NTN1: variants seen among roughly 807,000 people sequenced by gnomAD.
NTN1 encodes the protein netrin 1, also known as netrin-1.
NTN1 carries 11 observed loss-of-function variants against 54.2 expected under a neutral mutation model. The observed-to-expected ratio is 0.20, with a 90% confidence interval of 0.13 to 0.34. The LOEUF (loss-of-function observed/expected upper bound fraction) is 0.34, where lower values mean the gene tolerates loss of function less well. Ranked by LOEUF, NTN1 falls within the 10% of genes least tolerant of loss-of-function variation. The pLI is 1.00. For synonymous variants in NTN1, 371 were observed against 382.0 expected, an observed-to-expected ratio of 0.97 and a Z score of 0.33; for missense variants, 740 against 893.1, an observed-to-expected ratio of 0.83 and a Z score of 2.18.
chr17:9,030,152 C>T (rs2091884556), intron 2 of NTN1, among the ~76,000 whole-genome samples: 1 of 152,154 alleles, frequency 6.6e-6, no homozygotes, highest in Non-Finnish European at 1.5e-5. Flanking sequence ...TACAGAATGT[C>T]TCCCATCAGA....
At chr17:9,069,701 C>T (rs939980609) in intron 2 of NTN1, among the ~76,000 whole-genome samples, 1 of 152,138 alleles carries the variant, frequency 6.6e-6, no homozygotes, top group South Asian at 2.1e-4. Context: ...GGTGGGAGCA[C>T]CTCAAAGTAA....
Position 9,212,259 on chromosome 17 carries a change from G to A in NTN1, c.1412-8909G>A, listed in dbSNP as rs1018983017. ...AGAAGGTGGTCTTACCTGGGGCAGG[G>A]TGGGGCAAGTCACGAAGTCACCTGC... On this transcript the variant is annotated intron_variant, in intron 5 of 6. Coordinates refer to ENST00000173229, the MANE Select transcript of NTN1 (RefSeq NM_004822.3). This position sits in a 1 kb window ranked among gnomAD's most constrained non-coding sequence, Gnocchi z 5.5. Among the ~76,000 whole-genome samples, 3 of 152,160 alleles carry A rather than the reference G, an allele frequency of 2.0e-5. No homozygotes were observed. The highest frequency in any genetic ancestry group is 7.2e-5 in the African/African-American group (3 of 41,438).
chr17:9,070,986 G>A (rs1040419850), intron 2 of NTN1, among the ~76,000 whole-genome samples: 1 of 151,914 alleles, frequency 6.6e-6, no homozygotes, highest in Non-Finnish European at 1.5e-5. Context: ...AGACTTTTGG[G>A]GACTGTTTCA....
chr17:9,163,796 C>G (rs993916911), intron 3 of NTN1, among the ~76,000 whole-genome samples: 4 of 152,158 alleles, frequency 2.6e-5, no homozygotes, highest in Admixed American at 6.5e-5. Context: ...GGGCCCCCCC[C>G]ACCCCACAAA....
intron 5 of NTN1, among the ~76,000 whole-genome samples, chr17:9,203,069 T>C (rs771455016): frequency 6.2e-4 from 94 of 152,230 alleles, no homozygotes; most frequent in African/African-American, 1.6e-3. Flanking sequence ...CTACAGGCGC[T>C]GGCCACCAAG....
rs946485782 is a variant in NTN1, at chr17:9,229,261, G to A, written c.1486+8019G>A. ...TGATTTGCATCACCATACCGTCTGC[G>A]TGCCCCGGTACCTCCAGAACCAGTG... On this transcript the variant is annotated intron_variant, in intron 6 of 6. Transcript: ENST00000173229. Among the ~76,000 whole-genome samples the A allele has an allele frequency of 3.9e-5, 6 of 152,106 alleles. No individual in the cohort carries two copies. In the East Asian group the frequency reaches 5.8e-4, roughly 15 times the overall value.
chr17:9,051,488 T>C (rs1461163836), intron 2 of NTN1, among the ~76,000 whole-genome samples: 1 of 152,218 alleles, frequency 6.6e-6, no homozygotes, highest in Non-Finnish European at 1.5e-5. Context: ...CCTCTCCACT[T>C]TGCAGTATGT....
intron 2 of NTN1, among the ~76,000 whole-genome samples, chr17:9,076,626 T>C (rs976701047): frequency 6.6e-6 from 1 of 152,190 alleles, no homozygotes; most frequent in Non-Finnish European, 1.5e-5. Flanking sequence ...TCTTCTCACC[T>C]CAGTCTCCCA....
At chr17:9,216,902 C>T (rs1567741700) in intron 5 of NTN1, among the ~76,000 whole-genome samples, 1 of 152,054 alleles carries the variant, frequency 6.6e-6, no homozygotes, top group African/African-American at 2.4e-5. Flanking sequence ...ATTAGGTGGA[C>T]GAGCTGGTGT....
chr17:9,065,006 G>C (rs1322081671), intron 2 of NTN1, among the ~76,000 whole-genome samples: 1 of 151,942 alleles, frequency 6.6e-6, no homozygotes, highest in Non-Finnish European at 1.5e-5. Context: ...GTGCAATCTC[G>C]GCTCACTGCA....
Position 9,210,456 on chromosome 17 carries a change from ACACACACACACT to A in NTN1, c.1412-10710_1412-10699del, listed in dbSNP as rs1905074778. On this transcript the variant is annotated intron_variant, in intron 5 of 6. Coordinates refer to ENST00000173229, the MANE Select transcript of NTN1 (RefSeq NM_004822.3). ...CACACCCCCACACCCACACACACAC[ACACACACACACT>A]CTTCTGCTGTCTCCTGGGGAGGGGG... Among the ~76,000 whole-genome samples the A allele has an allele frequency of 2.0e-5, 3 of 149,934 alleles. No homozygotes were observed. The Admixed American group carries it at 2.0e-4, about 10-fold the overall frequency.
intron 2 of NTN1, among the ~76,000 whole-genome samples, chr17:9,038,501 A>G (rs2091911037): frequency 6.6e-6 from 1 of 152,114 alleles, no homozygotes; most frequent in African/African-American, 2.4e-5. Context: ...TAAATATTTG[A>G]TAAAGAAAGC....
chr17:9,128,681 C>G (rs1462472608), intron 2 of NTN1, among the ~76,000 whole-genome samples: 4 of 152,248 alleles, frequency 2.6e-5, no homozygotes, highest in South Asian at 2.1e-4. Context: ...CTTGGTATAC[C>G]GGGTCCCTGT....
upstream of NTN1, among the ~76,000 whole-genome samples, chr17:9,019,045 T>G (rs1194700400): frequency 6.6e-6 from 1 of 152,214 alleles, no homozygotes; most frequent in African/African-American, 2.4e-5. Flanking sequence ...GTAATGAACA[T>G]GGTCTCCTCA....
chr17:9,116,578 A>G (rs1189077670), intron 2 of NTN1, among the ~76,000 whole-genome samples: 1 of 152,114 alleles, frequency 6.6e-6, no homozygotes, highest in Non-Finnish European at 1.5e-5. Context: ...CTTTCTGTAG[A>G]TAGTGGGGCT....
At chr17:9,107,327 C>T (rs2092170701) in intron 2 of NTN1, among the ~76,000 whole-genome samples, 1 of 152,228 alleles carries the variant, frequency 6.6e-6, no homozygotes, top group African/African-American at 2.4e-5. Flanking sequence ...AATGGAAATT[C>T]TGTGCACCTC....
At chr17:9,034,700 G>T (rs1258662306) in intron 2 of NTN1, among the ~76,000 whole-genome samples, 1 of 152,068 alleles carries the variant, frequency 6.6e-6, no homozygotes, top group Admixed American at 6.6e-5. Context: ...TGGGATTACA[G>T]GGGTGAGCCA....
chr17:9,124,934 C>T (rs992756283), intron 2 of NTN1, among the ~76,000 whole-genome samples: 8 of 152,168 alleles, frequency 5.3e-5, no homozygotes, highest in African/African-American at 1.7e-4. Context: ...AATGAGTCGG[C>T]ATGTGTGTGC....
At chr17:9,033,790 G>A (rs1488291024) in intron 2 of NTN1, among the ~76,000 whole-genome samples, 5 of 151,958 alleles carry the variant, frequency 3.3e-5, no homozygotes, top group African/African-American at 1.2e-4. Context: ...GGTGGCACGT[G>A]CCTGTAATCC....
Sources: gnomAD v4.1 joint callset for allele counts (sites outside exome capture counted in the v4.1 genomes callset) on GRCh38, gnomAD v4.1.1 for gene constraint, Gnocchi (gnomAD v3.1) non-coding constraint, MANE v1.5 for transcripts, NCBI Gene and HGNC (gene_info 2026-07-23, HGNC 2026-07-21) for gene names.